The following KIRREL3 variants were observed in gnomAD, a reference collection of about 807,000 sequenced individuals.
KIRREL3 encodes the protein kirre like nephrin family adhesion molecule 3, also known as kin of IRRE-like protein 3.
KIRREL3 carries 36 observed loss-of-function variants against 89.7 expected under a neutral mutation model. The ratio of observed to expected loss-of-function variants is 0.40; its 90% CI spans 0.31 to 0.53. KIRREL3 has a LOEUF of 0.53. KIRREL3 is among the 20% of genes least tolerant of loss of function. The probability of loss-of-function intolerance (pLI) is 0.49; values close to 1 mark genes in which losing one functional copy is unlikely to be tolerated. For synonymous variants in KIRREL3, 445 were observed against 441.4 expected (o/e 1.01, Z -0.10); for missense variants, 864 against 1,056.6 (o/e 0.82, Z 2.53).
In KIRREL3 at chr11:126,989,453, A is replaced by G. The variant is rs1297424233; in HGVS notation, c.55+11002T>C. On this transcript the variant is annotated intron_variant, in intron 1 of 16. Coordinates refer to ENST00000525144, the MANE Select transcript of KIRREL3 (RefSeq NM_032531.4). The surrounding 1 kb of genome is among the most constrained non-coding windows in gnomAD (Gnocchi z 6.2). Reference sequence around the variant, plus strand: ...ACACCGTATAGAAAATCCCTCCAGCAACTTCAGAAAAACTGAATGAAAGGC... The same window carrying G: ...ACACCGTATAGAAAATCCCTCCAGCGACTTCAGAAAAACTGAATGAAAGGC... Among the ~76,000 whole-genome samples the G allele has an allele frequency of 6.6e-6, 1 of 152,160 alleles. No homozygotes were observed. The highest frequency in any genetic ancestry group is 1.5e-5 in the Non-Finnish European group (1 of 68,026).
rs753343736 is a variant in KIRREL3 at position 126,668,735 on chromosome 11, TTC to T, written c.56-105825_56-105824del. The stretch of plus-strand genomic sequence containing the variant: ...TTTCTTTCTTTCTTTCTTTCTTTCT[TTC>T]TTTCTTTCTTTCTTTCTTTTTTCTC... On this transcript the variant is annotated intron_variant, in intron 1 of 16. Coordinates refer to ENST00000525144, the MANE Select transcript of KIRREL3 (RefSeq NM_032531.4). The surrounding 1 kb of genome is among the most constrained non-coding windows in gnomAD (Gnocchi z 4.4). 8.8e-6 allele frequency among the ~76,000 whole-genome samples: 1 copy of T among 114,098 alleles called. No individual in the cohort carries two copies. The allele number at this position is 114,098 out of a possible 152,430, so 74.9% of individuals were successfully genotyped here. A position where few individuals can be genotyped will look rare whatever the true frequency, so the allele number is the denominator to read the frequency against.
chr11:126,945,662 G>A (rs1477931100), intron 1 of KIRREL3, among the ~76,000 whole-genome samples: 1 of 152,094 alleles, frequency 6.6e-6, no homozygotes, highest in Admixed American at 6.5e-5. Context: ...TCCTCCTTGA[G>A]GGCTTCTAAC....
At position 126,814,186 on chromosome 11, in the gene KIRREL3, A is replaced by C. The variant is rs1951484703; in HGVS notation, c.55+186269T>G. 6.6e-6 allele frequency among the ~76,000 whole-genome samples: 1 copy of C among 152,238 alleles called. No homozygotes were observed. The highest frequency in any genetic ancestry group is 2.4e-5 in the African/African-American group (1 of 41,460). On this transcript the variant is annotated intron_variant, in intron 1 of 16. Transcript: ENST00000525144. The surrounding 1 kb of genome is among the most constrained non-coding windows in gnomAD (Gnocchi z 4.4). Reference sequence around the variant, plus strand: ...ACATCACTGATCATTAGATAAATGCAAATAAAAACCACAATGACATACCAT... The same window carrying C: ...ACATCACTGATCATTAGATAAATGCCAATAAAAACCACAATGACATACCAT...
Position 126,501,284 on chromosome 11 carries a change from A to G in KIRREL3, c.433+20031T>C, listed in dbSNP as rs1035425634. ...TCAGCCTGGCTCTGGCCCTAGCTTG[A>G]ACGCCTCGGTTGTAGTTCTAAAGCC... is the stretch of plus-strand genomic sequence containing the variant. On this transcript the variant is annotated intron_variant, in intron 4 of 16. Transcript: ENST00000525144. The surrounding 1 kb of genome is among the most constrained non-coding windows in gnomAD (Gnocchi z 5.8). Among the ~76,000 whole-genome samples the G allele has an allele frequency of 1.3e-5, 2 of 152,096 alleles. No individual in the cohort carries two copies. Among genetic ancestry groups the G allele is most frequent in the Non-Finnish European group, 2.9e-5 (2 of 68,020 alleles).
chr11:126,680,374 T>A (rs1268857708), intron 1 of KIRREL3, among the ~76,000 whole-genome samples: 1 of 150,894 alleles, frequency 6.6e-6, no homozygotes, highest in Non-Finnish European at 1.5e-5. Context: ...ATTAGCCCAA[T>A]GCTCATCAAC....
intron 1 of KIRREL3, among the ~76,000 whole-genome samples, chr11:126,692,682 T>C (rs771015982): frequency 1.7e-4 from 25 of 151,412 alleles, no homozygotes; most frequent in Non-Finnish European, 3.4e-4. Context: ...AAACCTTCCA[T>C]ATGCTACAAC....
rs984292263 is a variant in KIRREL3 at position 126,639,283 on chromosome 11, G to T, written c.56-76371C>A. The stretch of plus-strand genomic sequence containing the variant: ...AAACCTTACATATTGACTGAATCAG[G>T]CCTGTCTCCAATGAAGATCTAGGCA... On this transcript the variant is annotated intron_variant, in intron 1 of 16. Coordinates refer to ENST00000525144, the MANE Select transcript of KIRREL3 (RefSeq NM_032531.4). The surrounding 1 kb of genome is among the most constrained non-coding windows in gnomAD (Gnocchi z 4.3). Among the ~76,000 whole-genome samples the T allele has an allele frequency of 2.0e-5, 3 of 152,128 alleles. No individual in the cohort carries two copies. Among genetic ancestry groups the T allele is most frequent in the Non-Finnish European group, 2.9e-5 (2 of 68,020 alleles).
At chr11:126,554,433 A>G (rs558688799) in intron 2 of KIRREL3, among the ~76,000 whole-genome samples, 20 of 152,310 alleles carry the variant, frequency 1.3e-4, no homozygotes, top group African/African-American at 4.8e-4. Flanking sequence ...GGGGACCAAG[A>G]CAAGTGCCCG....
rs1391249827 is a variant in KIRREL3, at chr11:126,601,183, A to T, written c.56-38271T>A. ...ATGAACCAGCCTCTATCTAAGGGAG[A>T]GAATTTATGTCTCTTCATGCTCTTG... On this transcript the variant is annotated intron_variant, in intron 1 of 16. Coordinates refer to ENST00000525144, the MANE Select transcript of KIRREL3 (RefSeq NM_032531.4). This position sits in a 1 kb window ranked among gnomAD's most constrained non-coding sequence, Gnocchi z 5.8. 6.6e-6 allele frequency among the ~76,000 whole-genome samples: 1 copy of T among 152,142 alleles called. No homozygotes were observed. The highest frequency in any genetic ancestry group is 1.5e-5 in the Non-Finnish European group (1 of 68,030).
intron 1 of KIRREL3, among the ~76,000 whole-genome samples, chr11:126,832,382 G>A (rs891584866): frequency 7.9e-5 from 12 of 152,306 alleles, no homozygotes; most frequent in African/African-American, 2.9e-4. Context: ...AAACAAACAT[G>A]TGAAAGTTAT....
chr11:127,001,318 G>T (rs1313061591), upstream of KIRREL3, among the ~76,000 whole-genome samples: 10 of 136,594 alleles, frequency 7.3e-5, 1 homozygote, highest in South Asian at 5.8e-4. Flanking sequence ...TTGTGGTGGG[G>T]GGGGGGGGTA....
At chr11:126,875,993 C>T (rs988976327) in intron 1 of KIRREL3, among the ~76,000 whole-genome samples, 5 of 152,124 alleles carry the variant, frequency 3.3e-5, no homozygotes, top group Admixed American at 1.3e-4. Context: ...AATTGAATCT[C>T]GGGTTCCCTG....
chr11:126,632,120 G>A (rs1944051050), intron 1 of KIRREL3, among the ~76,000 whole-genome samples: 1 of 152,206 alleles, frequency 6.6e-6, no homozygotes, highest in Non-Finnish European at 1.5e-5. Flanking sequence ...TCTGGGAGGG[G>A]CCCAAGAATC....
chr11:126,778,429 T>C lies in KIRREL3; in HGVS notation c.56-215517A>G, dbSNP rs1227746201. Among the ~76,000 whole-genome samples, 2 of 152,196 alleles carry C rather than the reference T, an allele frequency of 1.3e-5. No homozygotes were observed. The highest frequency in any genetic ancestry group is 4.8e-5 in the African/African-American group (2 of 41,462). ...TGTCCATAAATACACTTCCACACCA[T>C]AGCATTTAATGTCTACAAGCTATGC... On this transcript the variant is annotated intron_variant, in intron 1 of 16. Coordinates refer to ENST00000525144, the MANE Select transcript of KIRREL3 (RefSeq NM_032531.4). The surrounding 1 kb of genome is among the most constrained non-coding windows in gnomAD (Gnocchi z 4.5).
intron 1 of KIRREL3, among the ~76,000 whole-genome samples, chr11:126,863,582 AGT>A (rs1351585166): frequency 5.3e-4 from 41 of 77,808 alleles, no homozygotes; most frequent in African/African-American, 1.4e-3. Context: ...ACTGCGTGTG[AGT>A]GTGTGTTTGA....
intron 1 of KIRREL3, among the ~76,000 whole-genome samples, chr11:126,619,497 T>C (rs1387863988): frequency 1.3e-5 from 2 of 152,228 alleles, no homozygotes; most frequent in African/African-American, 2.4e-5. Context: ...AAAGATCCTA[T>C]GTGGAGACTG....
At chr11:126,646,122 C>A (rs556263064) in intron 1 of KIRREL3, among the ~76,000 whole-genome samples, 3 of 152,120 alleles carry the variant, frequency 2.0e-5, no homozygotes, top group Non-Finnish European at 4.4e-5. Flanking sequence ...ACCCCACCCC[C>A]CAAACAGGTC....
At chr11:126,777,676 T>C (rs1427049426) in intron 1 of KIRREL3, among the ~76,000 whole-genome samples, 1 of 152,216 alleles carries the variant, frequency 6.6e-6, no homozygotes, top group Admixed American at 6.5e-5. Context: ...CAGACCCCTT[T>C]GTGAACACAT....
chr11:126,655,511 G>T lies in KIRREL3; in HGVS notation c.56-92599C>A, dbSNP rs139004376. 6.6e-6 allele frequency among the ~76,000 whole-genome samples: 1 copy of T among 152,248 alleles called. No homozygotes were observed. The highest frequency in any genetic ancestry group is 2.4e-5 in the African/African-American group (1 of 41,544). ...AATCACTTCACTTGTCAACTCGAAA[G>T]CTCTCCCTCCCACCTCAAGTTGTTT... On this transcript the variant is annotated intron_variant, in intron 1 of 16. Coordinates refer to ENST00000525144, the MANE Select transcript of KIRREL3 (RefSeq NM_032531.4). The surrounding 1 kb of genome is among the most constrained non-coding windows in gnomAD (Gnocchi z 5.0).
Sources: gnomAD v4.1 joint callset for allele counts (sites outside exome capture counted in the v4.1 genomes callset) on GRCh38, gnomAD v4.1.1 for gene constraint, Gnocchi (gnomAD v3.1) non-coding constraint, MANE v1.5 for transcripts, NCBI Gene and HGNC (gene_info 2026-07-23, HGNC 2026-07-21) for gene names.